Variants in CSMD1 observed in about 807,000 individuals in gnomAD.
CSMD1 encodes CUB and sushi domain-containing protein 1.
CSMD1 carries 213 observed loss-of-function variants against 417.5 expected under a neutral mutation model. That is an observed-to-expected ratio of 0.51 (90% CI 0.46 to 0.57). The LOEUF (loss-of-function observed/expected upper bound fraction) is 0.57, where lower values mean the gene tolerates loss of function less well. CSMD1 is among the 20% of genes least tolerant of loss of function. The pLI is 0.00. For synonymous variants in CSMD1, 2,862 were observed against 1,736.8 expected (o/e 1.65, Z -16.11); for missense variants, 6,923 against 4,529.7 (o/e 1.53, Z -15.17).
chr8:3,018,681 A>T, intron 51 of CSMD1, 31 bp from the exon 52 acceptor site: 3 of 1,594,024 alleles, frequency 1.9e-6, no homozygotes, highest in Non-Finnish European at 1.7e-6. Context: ...ATGAACATCA[A>T]TTCAGTTATG....
At chr8:3,513,004 C>G (rs1797141351) in intron 10 of CSMD1, among the ~76,000 whole-genome samples, 1 of 152,082 alleles carries the variant, frequency 6.6e-6, no homozygotes, top group Middle Eastern at 3.2e-3. Flanking sequence ...CATTAGCATG[C>G]TTGAAAGATC....
chr8:4,320,872 C>G (rs568106133), intron 3 of CSMD1, among the ~76,000 whole-genome samples: 18 of 152,262 alleles, frequency 1.2e-4, no homozygotes, highest in Non-Finnish European at 2.1e-4. Context: ...TATAAAGACA[C>G]AAACACACTT....
intron 5 of CSMD1, among the ~76,000 whole-genome samples, chr8:3,976,062 A>G (rs1813412362): frequency 6.6e-6 from 1 of 152,114 alleles, no homozygotes; most frequent in East Asian, 1.9e-4. Context: ...TGTATTTGAT[A>G]TGTTAAATTT....
intron 2 of CSMD1, among the ~76,000 whole-genome samples, chr8:4,471,357 G>C (rs186819822): frequency 6.6e-6 from 1 of 152,148 alleles, no homozygotes; most frequent in Non-Finnish European, 1.5e-5. Context: ...ATTTCTAGAA[G>C]ACATTGGGTT....
chr8:4,447,009 T>A (rs551449450), intron 2 of CSMD1, among the ~76,000 whole-genome samples: 4 of 150,856 alleles, frequency 2.7e-5, no homozygotes, highest in African/African-American at 9.7e-5. Context: ...AACTGTTGCA[T>A]GGAAGGGATT....
chr8:4,203,964 G>C (rs955944338), intron 3 of CSMD1, among the ~76,000 whole-genome samples: 1 of 151,996 alleles, frequency 6.6e-6, no homozygotes, highest in Non-Finnish European at 1.5e-5. Context: ...AGCCAGGTGT[G>C]GTGGTGCACG....
intron 4 of CSMD1, among the ~76,000 whole-genome samples, chr8:4,028,808 C>T (rs117296343): frequency 6.6e-6 from 1 of 152,148 alleles, no homozygotes; most frequent in African/African-American, 2.4e-5. Context: ...TTTCTGGCAT[C>T]TCATTAAGAC....
At chr8:3,360,069 T>A (rs1809055710) in intron 20 of CSMD1, among the ~76,000 whole-genome samples, 1 of 152,218 alleles carries the variant, frequency 6.6e-6, no homozygotes, top group South Asian at 2.1e-4. Flanking sequence ...GGCACAGGGC[T>A]ATGTTTCTGG....
intron 3 of CSMD1, among the ~76,000 whole-genome samples, chr8:4,145,316 C>T (rs1415718976): frequency 6.6e-6 from 1 of 150,900 alleles, no homozygotes; most frequent in Non-Finnish European, 1.5e-5. Flanking sequence ...TGGTACTCAC[C>T]ATTTTTTGAG....
At position 4,026,456 on chromosome 8, in the gene CSMD1, G is replaced by A. The variant is rs576018237; in HGVS notation, c.610+5449C>T. On this transcript the variant is annotated intron_variant, in intron 4 of 69. Coordinates refer to ENST00000635120, the MANE Select transcript of CSMD1 (RefSeq NM_033225.6). ...GACTGTTATGTCAACTTTGACTACA[G>A]ATACGATTATGGAAATTTTAAAGAT... Among the ~76,000 whole-genome samples, 3 of 152,316 alleles carry A rather than the reference G, an allele frequency of 2.0e-5. No individual in the cohort carries two copies. The South Asian group carries it at 6.2e-4, about 32-fold the overall frequency.
In CSMD1 at chr8:3,169,067, C is replaced by T. The variant is rs1449123098; in HGVS notation, c.5726-6790G>A. Among the ~76,000 whole-genome samples, 12 of 152,070 alleles carry T rather than the reference C, an allele frequency of 7.9e-5. 1 individual carries two copies. The highest frequency in any genetic ancestry group is 1.3e-4 in the Non-Finnish European group (9 of 68,022). On this transcript the variant is annotated intron_variant, in intron 37 of 69. Coordinates refer to ENST00000635120, the MANE Select transcript of CSMD1 (RefSeq NM_033225.6). ...CACAGGACTATTTTGGTCTACGTAC[C>T]ACCCACCAACAACCTGGACCAGTAT...
At chr8:4,349,363 A>G (rs371429002) in intron 3 of CSMD1, among the ~76,000 whole-genome samples, 2 of 152,140 alleles carry the variant, frequency 1.3e-5, no homozygotes, top group Non-Finnish European at 2.9e-5. Flanking sequence ...CGTATTTTAC[A>G]TTTTTCTTAA....
intron 11 of CSMD1, among the ~76,000 whole-genome samples, chr8:3,487,290 C>A (rs1449684003): frequency 6.6e-6 from 1 of 152,184 alleles, no homozygotes; most frequent in Non-Finnish European, 1.5e-5. Flanking sequence ...CAAGCTCCAC[C>A]TCCTGGGTTC....
chr8:3,394,234 T>C (rs1026947783), intron 17 of CSMD1, among the ~76,000 whole-genome samples: 2 of 146,788 alleles, frequency 1.4e-5, no homozygotes, highest in African/African-American at 2.5e-5. Context: ...ACTTACATAT[T>C]AAATTATTAT....
chr8:3,476,083 C>T (rs930852269), intron 11 of CSMD1, among the ~76,000 whole-genome samples: 3 of 152,180 alleles, frequency 2.0e-5, no homozygotes, highest in Non-Finnish European at 4.4e-5. Flanking sequence ...TGGCTCATGC[C>T]TGTAATCCCA....
intron 1 of CSMD1, among the ~76,000 whole-genome samples, chr8:4,734,718 T>C (rs1159045090): frequency 1.3e-5 from 2 of 152,338 alleles, no homozygotes; most frequent in Non-Finnish European, 1.5e-5. Context: ...GATACATCTA[T>C]TGTTTTCATA....
intron 62 of CSMD1, among the ~76,000 whole-genome samples, chr8:2,958,942 T>C (rs1387439964): frequency 1.3e-5 from 2 of 152,186 alleles, no homozygotes; most frequent in East Asian, 1.9e-4. Context: ...TGTGAAAGGA[T>C]ATCAGGAGAA....
chr8:4,503,561 T>TGGTA (rs1802368910), intron 2 of CSMD1, among the ~76,000 whole-genome samples: 1 of 152,158 alleles, frequency 6.6e-6, no homozygotes, highest in South Asian at 2.1e-4. Flanking sequence ...TCAAATGGAT[T>TGGTA]GGTATATGAT....
intron 54 of CSMD1, among the ~76,000 whole-genome samples, chr8:2,994,443 C>T (rs968555113): frequency 7.9e-5 from 12 of 152,118 alleles, no homozygotes; most frequent in Admixed American, 1.3e-4. Context: ...TGATGTCATG[C>T]GGACAACTCA....
Sources: gnomAD v4.1 joint callset for allele counts (sites outside exome capture counted in the v4.1 genomes callset) on GRCh38, gnomAD v4.1.1 for gene constraint, MANE v1.5 for transcripts, NCBI Gene and HGNC (gene_info 2026-07-23, HGNC 2026-07-21) for gene names.